TTLL5: variants seen among roughly 807,000 people sequenced by gnomAD.
The protein encoded by TTLL5 is tubulin tyrosine ligase like 5, also known as tubulin polyglutamylase TTLL5.
Under a neutral mutation model 168.4 loss-of-function variants are expected in TTLL5, and 132 were observed. The observed-to-expected ratio is 0.78, with a 90% CI of 0.68 to 0.91. TTLL5 has a LOEUF of 0.91. Among genes scored for constraint, TTLL5 ranks in the 40% least tolerant of loss-of-function variants. The pLI is 0.00. For synonymous variants in TTLL5, 546 were observed against 558.6 expected, an observed-to-expected ratio of 0.98 and a Z score of 0.32; for missense variants, 1,545 against 1,581.5, an observed-to-expected ratio of 0.98 and a Z score of 0.39.
At chr14:75,883,046 T>C (rs774502759) in intron 30 of TTLL5, 144 bp downstream of exon 30, 2 of 916,636 alleles carry the variant, frequency 2.2e-6, no homozygotes, top group Non-Finnish European at 3.2e-6. Context: ...ACCCTAGTTC[T>C]CAGCGTGGGC....
intron 31 of TTLL5, 98 bp downstream of exon 31, chr14:75,902,322 A>G: frequency 8.1e-7 from 1 of 1,238,542 alleles, no homozygotes; most frequent in Non-Finnish European, 1.2e-6. Flanking sequence ...GCCCCAGTTC[A>G]AAGAATGAAA....
chr14:75,767,966 A>G (rs1190698992), intron 20 of TTLL5, among the ~76,000 whole-genome samples: 1 of 152,162 alleles, frequency 6.6e-6, no homozygotes, highest in Non-Finnish European at 1.5e-5. Context: ...GGAACATAGG[A>G]GTTGGTTTCA....
chr14:75,745,379 C>A (rs949790010), intron 16 of TTLL5, 111 bp from the exon 17 acceptor site: 3 of 1,240,446 alleles, frequency 2.4e-6, no homozygotes, highest in Admixed American at 2.0e-5. Flanking sequence ...ATTAATTTCT[C>A]CCTTCATGCT....
intron 21 of TTLL5, among the ~76,000 whole-genome samples, chr14:75,773,954 AGAAAGAGAG>A (rs1891531031): frequency 2.5e-5 from 1 of 39,728 alleles, no homozygotes; most frequent in African/African-American, 7.5e-5. Context: ...AGAGAGAGAG[AGAAAGAGAG>A]AGAGAGAGAG....
At position 75,954,536 on chromosome 14, in the gene TTLL5, G is replaced by T; in HGVS notation, c.*90G>T. 1.3e-6 allele frequency: 2 copies of T among 1,489,284 alleles called. No individual in the cohort carries two copies. The allele number at this position is 1,489,284 out of a possible 1,614,324, so 92.3% of individuals were successfully genotyped here. On this transcript the variant is annotated 3_prime_UTR_variant, in exon 32 of 32. Coordinates refer to ENST00000298832, the MANE Select transcript of TTLL5 (RefSeq NM_015072.5). Reference sequence around the variant, plus strand: ...CCACCAGCACTTCAAGGGGTCCATAGTATTTTTTTTTTTGCTGCCTCAAAG... The same window carrying T: ...CCACCAGCACTTCAAGGGGTCCATATTATTTTTTTTTTTGCTGCCTCAAAG...
intron 10 of TTLL5, among the ~76,000 whole-genome samples, chr14:75,718,789 C>T (rs527812828): frequency 3.0e-4 from 46 of 152,066 alleles, no homozygotes; most frequent in African/African-American, 9.9e-4. Flanking sequence ...TCTTTCATGC[C>T]GATATTTTTG....
In TTLL5 at chr14:75,779,460, G is replaced by C. The variant is rs970364763; in HGVS notation, c.2388-115G>C. ...ACCACCTATTAATAGGGAATTTTCA[G>C]CTTGTGCTTTTCATTTTTCCCTTTT... On this transcript the variant is annotated intron_variant, in intron 23 of 31. Coordinates refer to ENST00000298832, the MANE Select transcript of TTLL5 (RefSeq NM_015072.5). 68 of 1,459,094 alleles carry C rather than the reference G, an allele frequency of 4.7e-5. No homozygotes were observed. The South Asian group carries it at 8.5e-4, about 18-fold the overall frequency. 90.4% of individuals were successfully genotyped at this position (1,459,094 alleles called of 1,614,324 possible).
chr14:75,776,946 T>A, intron 23 of TTLL5, 96 bp downstream of exon 23: 1 of 1,004,856 alleles, frequency 1.0e-6, no homozygotes, highest in African/African-American at 1.6e-5. Context: ...TACATGGATG[T>A]GAATGAAATC....
intron 10 of TTLL5, 148 bp downstream of exon 10, chr14:75,718,110 G>T: frequency 1.5e-6 from 1 of 683,676 alleles, no homozygotes; most frequent in Non-Finnish European, 2.5e-6. Flanking sequence ...ATATAACAGT[G>T]TTGAGGCATA....
At chr14:75,801,595 T>C (rs753490287) in intron 27 of TTLL5, among the ~76,000 whole-genome samples, 7 of 152,118 alleles carry the variant, frequency 4.6e-5, no homozygotes, top group Middle Eastern at 3.2e-3. Context: ...CCATTAACCA[T>C]CCCTACTTCC....
At chr14:75,874,683 C>T (rs945479753) in intron 29 of TTLL5, among the ~76,000 whole-genome samples, 2 of 152,080 alleles carry the variant, frequency 1.3e-5, no homozygotes, top group Admixed American at 1.3e-4. Flanking sequence ...TCTGATCTGG[C>T]TATTCTACTT....
intron 28 of TTLL5, among the ~76,000 whole-genome samples, chr14:75,823,170 T>G (rs1395473590): frequency 6.6e-6 from 1 of 152,214 alleles, no homozygotes; most frequent in Admixed American, 6.5e-5. Flanking sequence ...AAGTGATGTT[T>G]TCAGTTTCTA....
chr14:75,872,912 C>A (rs368293722), intron 29 of TTLL5, among the ~76,000 whole-genome samples: 454 of 130,990 alleles, frequency 3.5e-3, no homozygotes, highest in Middle Eastern at 3.9e-3. Flanking sequence ...AACTCCATCT[C>A]AAAAAAAAAA....
intron 27 of TTLL5, among the ~76,000 whole-genome samples, chr14:75,799,547 T>C (rs1037299408): frequency 6.6e-5 from 10 of 152,182 alleles, no homozygotes; most frequent in Non-Finnish European, 1.5e-5. Flanking sequence ...TGCATTGTGT[T>C]ATTGTTTTAT....
chr14:75,773,907 C>CATATATATATATAT (rs34160638), intron 21 of TTLL5, among the ~76,000 whole-genome samples: 7 of 28,786 alleles, frequency 2.4e-4, no homozygotes, highest in Non-Finnish European at 2.2e-4. Context: ...AAAAAAAATA[C>CATATATATATATAT]ATATATATAT....
intron 28 of TTLL5, among the ~76,000 whole-genome samples, chr14:75,851,336 G>A (rs1315241015): frequency 6.6e-6 from 1 of 152,072 alleles, no homozygotes; most frequent in Non-Finnish European, 1.5e-5. Flanking sequence ...ATGCCTTTTT[G>A]TCTCTCAGGT....
At chr14:75,945,387 G>T (rs535919520) in intron 31 of TTLL5, among the ~76,000 whole-genome samples, 2 of 151,708 alleles carry the variant, frequency 1.3e-5, no homozygotes, top group African/African-American at 4.8e-5. Flanking sequence ...CTCCTGAGTA[G>T]CTGGGACTAC....
intron 27 of TTLL5, among the ~76,000 whole-genome samples, chr14:75,805,752 T>G (rs1334371647): frequency 6.6e-6 from 1 of 152,142 alleles, no homozygotes; most frequent in Non-Finnish European, 1.5e-5. Context: ...CTTCTCTATA[T>G]TAGTGACATT....
intron 12 of TTLL5, among the ~76,000 whole-genome samples, chr14:75,722,398 A>C (rs1035938805): frequency 1.3e-5 from 2 of 152,126 alleles, no homozygotes; most frequent in East Asian, 3.8e-4. Flanking sequence ...GGCATGTGTC[A>C]TCATGCCTGG....
Sources: allele counts gnomAD v4.1 joint callset (sites outside exome capture counted in the v4.1 genomes callset), GRCh38; gene constraint gnomAD v4.1.1; transcripts MANE v1.5; gene names NCBI Gene and HGNC (gene_info 2026-07-23, HGNC 2026-07-21).